Variants in RNF20 observed in about 807,000 individuals in gnomAD.
RNF20 encodes the protein E3 ubiquitin-protein ligase BRE1A.
In RNF20, 84 loss-of-function variants were observed where a neutral mutation model predicts 126.2. The observed-to-expected ratio is 0.67, with a 90% CI of 0.56 to 0.80. The LOEUF is 0.80. RNF20 is among the 30% of genes least tolerant of loss of function. The pLI, the probability that RNF20 is intolerant of heterozygous loss-of-function variation, is 0.00. For synonymous variants in RNF20, 400 were observed against 414.3 expected, an observed-to-expected ratio of 0.97 and a Z score of 0.42; for missense variants, 869 against 1,188.2, an observed-to-expected ratio of 0.73 and a Z score of 3.95.
At chr9:101,557,211 G>A (rs1010695710) in intron 15 of RNF20, among the ~76,000 whole-genome samples, 173 bp from the exon 16 acceptor site, 2 of 152,194 alleles carry the variant, frequency 1.3e-5, no homozygotes, top group African/African-American at 4.8e-5. Context: ...ATTGGTGCCA[G>A]TGACTTCAGA....
intron 7 of RNF20, 72 bp from the exon 8 acceptor site, chr9:101,547,065 C>CT: frequency 6.2e-7 from 1 of 1,601,308 alleles, no homozygotes; most frequent in Non-Finnish European, 8.6e-7. Flanking sequence ...AAATCTCATC[C>CT]TTTGAAGGTA....
chr9:101,557,236 T>C (rs1827549998), intron 15 of RNF20, 148 bp from the exon 16 acceptor site: 1 of 615,952 alleles, frequency 1.6e-6, no homozygotes. Flanking sequence ...AGAGCTTCTG[T>C]ATGCCTAGTG....
intron 2 of RNF20, among the ~76,000 whole-genome samples, chr9:101,538,955 G>A (rs969388212): frequency 7.2e-5 from 11 of 152,198 alleles, no homozygotes; most frequent in African/African-American, 2.7e-4. Context: ...TGAGAGGGAT[G>A]TGAAATTACT....
chr9:101,537,342 A>G (rs1195382850), intron 2 of RNF20, among the ~76,000 whole-genome samples: 1 of 152,148 alleles, frequency 6.6e-6, no homozygotes, highest in Non-Finnish European at 1.5e-5. Context: ...AAAGTAATGG[A>G]ATTTTTACTT....
At position 101,535,564 on chromosome 9, in the gene RNF20, C is replaced by T; in HGVS notation, c.129+12C>T. 2.5e-6 allele frequency: 4 copies of T among 1,602,054 alleles called. No individual in the cohort carries two copies. Among genetic ancestry groups the T allele is most frequent in the Non-Finnish European group, 3.4e-6 (4 of 1,175,144 alleles). ...GTGTCTCTTCAACGGTATGAGGAAA[C>T]AGTGCCATGAAAGTGTGCTTGTCTT... On this transcript the variant is annotated intron_variant, in intron 2 of 19. Transcript: ENST00000389120.
At position 101,544,824 on chromosome 9, in the gene RNF20, A is replaced by T; in HGVS notation, c.686A>T (p.Asn229Ile). The change falls in exon 6 of 20, where the codon AAT (asparagine) becomes ATT (isoleucine). Residue 229 changes from asparagine to isoleucine, a missense_variant. Coordinates refer to ENST00000389120, the MANE Select transcript of RNF20 (RefSeq NM_019592.7). ...QELNSFLAQE[N>I]MRLQELTDLL... ...CTGAACTCTTTCCTCGCACAGGAGAATATGAGGCTACAGGAATTGACAGAT... is the reference window on the plus strand; with the variant it reads ...CTGAACTCTTTCCTCGCACAGGAGATTATGAGGCTACAGGAATTGACAGAT... 6.2e-7 allele frequency: 1 copy of T among 1,614,014 alleles called. No individual in the cohort carries two copies. The highest frequency in any genetic ancestry group is 1.1e-5 in the South Asian group (1 of 91,080).
chr9:101,550,789 A>G lies in RNF20; in HGVS notation c.1272+4A>G, dbSNP rs888924941. ...GCACCAGGTTGAGCTTATTGAGGTA[A>G]TAGCCTTGCCTTGTCTTTTGTATGT... On this transcript the variant is annotated splice_donor_region_variant and intron_variant, in intron 10 of 19. Coordinates refer to ENST00000389120, the MANE Select transcript of RNF20 (RefSeq NM_019592.7). The G allele has an allele frequency of 3.7e-6, 6 of 1,613,804 alleles. No individual in the cohort carries two copies. The African/African-American group carries it at 8.0e-5, about 22-fold the overall frequency.
intron 10 of RNF20, among the ~76,000 whole-genome samples, chr9:101,551,041 A>G (rs1476925748): frequency 2.6e-5 from 4 of 152,220 alleles, no homozygotes; most frequent in Non-Finnish European, 5.9e-5. Flanking sequence ...GCATAGCCAA[A>G]AGATGTGATA....
rs1425034294 is a variant in RNF20 at position 101,540,947 on chromosome 9, G to A, written c.600G>A (p.Glu200=). The A allele has an allele frequency of 6.2e-6, 10 of 1,614,130 alleles. No individual in the cohort carries two copies. The highest frequency in any genetic ancestry group is 2.2e-5 in the East Asian group (1 of 44,884). The change falls in exon 5 of 20, where the codon GAG becomes GAA. Residue 200 remains glutamate (E), a synonymous_variant. Coordinates refer to ENST00000389120, the MANE Select transcript of RNF20 (RefSeq NM_019592.7). The part of the protein sequence containing the change: ...TVYDKLQEKV[E]LLSRKLNSGD... ...ATGATAAATTGCAAGAAAAAGTGGA[G>A]CTCTTATCCCGGAAGCTAAACAGTG...
Position 101,552,381 on chromosome 9 carries a change from A to G in RNF20, c.1531-2A>G. On this transcript the variant is annotated splice_acceptor_variant, in intron 12 of 19. Transcript: ENST00000389120. LOFTEE classifies it high-confidence loss of function. ...GCATCTTTCTTTTCTTTATTCTCCC[A>G]GACACGCCTGCGTAGTGGTAGTGCC... The G allele has an allele frequency of 1.2e-6, 2 of 1,605,946 alleles. No homozygotes were observed. The highest frequency in any genetic ancestry group is 2.2e-5 in the South Asian group (2 of 90,454).
intron 5 of RNF20, 56 bp from the exon 6 acceptor site, chr9:101,544,711 A>G: frequency 7.7e-7 from 1 of 1,296,490 alleles, no homozygotes. Flanking sequence ...CGTCTTAAAA[A>G]AAAAAAAAAA....
At position 101,535,442 on chromosome 9, in the gene RNF20, A is replaced by T. The variant is rs1228092513; in HGVS notation, c.19A>T (p.Lys7Ter). 1 of 1,612,968 alleles carries T rather than the reference A, an allele frequency of 6.2e-7. No homozygotes were observed. Among genetic ancestry groups the T allele is most frequent in the African/African-American group, 1.3e-5 (1 of 74,806 alleles). The change falls in exon 2 of 20, where the codon AAA becomes TAA. Residue 7 changes from lysine (K) to a stop codon, truncating the protein, a stop_gained. Transcript: ENST00000389120. LOFTEE classifies it high-confidence loss of function. The stretch of plus-strand genomic sequence containing the variant: ...TGCCAAAATGTCAGGAATTGGAAAT[A>T]AAAGAGCAGCTGGAGAACCTGGCAC... MSGIGN[K>*]RAAGEPGTSM... is the part of the protein sequence containing the mutation.
In RNF20 at chr9:101,557,457, G is replaced by GCATGTC; in HGVS notation, c.2243_2244insCATGTC (p.Arg748_Leu749insMetSer). 6.2e-7 allele frequency: 1 copy of GCATGTC among 1,613,964 alleles called. No individual in the cohort carries two copies. The highest frequency in any genetic ancestry group is 8.5e-7 in the Non-Finnish European group (1 of 1,179,924). ...GAAGACATGCAGGAGCAAAATATCCGTTTGATGCAGCAATTGCGGGAGAAG... is the reference window on the plus strand; with the variant it reads ...GAAGACATGCAGGAGCAAAATATCCGCATGTCTTTGATGCAGCAATTGCGGGAGAAG... On this transcript the variant is annotated inframe_insertion, in exon 16 of 20. Transcript: ENST00000389120.
intron 6 of RNF20, 112 bp downstream of exon 6, chr9:101,544,997 A>G (rs1010311240): frequency 1.4e-6 from 1 of 707,646 alleles, no homozygotes; most frequent in African/African-American, 1.8e-5. Flanking sequence ...ATCATATCAT[A>G]GGGGATTTTG....
At chr9:101,546,735 A>G (rs1827352967) in intron 6 of RNF20, 85 bp from the exon 7 acceptor site, 3 of 1,419,806 alleles carry the variant, frequency 2.1e-6, no homozygotes, top group Non-Finnish European at 9.8e-7. Flanking sequence ...CCTCTTTTCT[A>G]TAATTACTCA....
chr9:101,555,907 G>A (rs1333397017), intron 15 of RNF20, among the ~76,000 whole-genome samples: 4 of 151,144 alleles, frequency 2.6e-5, no homozygotes, highest in African/African-American at 9.7e-5. Context: ...GCAGTGAGCC[G>A]AGATGGCGCC....
At chr9:101,543,280 G>A (rs1827285908) in intron 5 of RNF20, among the ~76,000 whole-genome samples, 1 of 152,144 alleles carries the variant, frequency 6.6e-6, no homozygotes, top group South Asian at 2.1e-4. Flanking sequence ...TGCCACGGCA[G>A]TACTGTCTAA....
Position 101,535,383 on chromosome 9 carries a change from C to T in RNF20, c.-26-15C>T. 6.3e-7 allele frequency: 1 copy of T among 1,597,042 alleles called. No homozygotes were observed. Among genetic ancestry groups the T allele is most frequent in the Non-Finnish European group, 8.5e-7 (1 of 1,173,204 alleles). ...TTACATATATTATGTCAGTTTCTGCCTTTTTTTCTATCAGGAAAACGACTG... is the reference window on the plus strand; with the variant it reads ...TTACATATATTATGTCAGTTTCTGCTTTTTTTTCTATCAGGAAAACGACTG... On this transcript the variant is annotated splice_polypyrimidine_tract_variant and intron_variant, in intron 1 of 19. Transcript: ENST00000389120.
chr9:101,561,254 T>C, intron 18 of RNF20, 24 bp downstream of exon 18: 1 of 1,612,060 alleles, frequency 6.2e-7, no homozygotes, highest in Non-Finnish European at 8.5e-7. Flanking sequence ...TCTTTTCTTG[T>C]CACCTTTTAG....
Sources: allele counts gnomAD v4.1 joint callset (sites outside exome capture counted in the v4.1 genomes callset), GRCh38; gene constraint gnomAD v4.1.1; transcripts MANE v1.5; gene names NCBI Gene and HGNC (gene_info 2026-07-23, HGNC 2026-07-21).